The following SDK1 variants were observed in gnomAD, a reference collection of about 807,000 sequenced individuals.
The protein encoded by SDK1 is sidekick cell adhesion molecule 1.
Under a neutral mutation model 245.5 loss-of-function variants are expected in SDK1, and 157 were observed. That is an observed-to-expected ratio of 0.64 (90% CI 0.56 to 0.73). SDK1 has a LOEUF of 0.73. Among genes scored for constraint, SDK1 ranks in the 30% least tolerant of loss-of-function variants. The pLI, the probability that SDK1 is intolerant of heterozygous loss-of-function variation, is 0.00. For missense variants in SDK1, 3,583 were observed against 3,002.3 expected (o/e 1.19, Z -4.52); for synonymous variants, 1,647 against 1,278.5 (o/e 1.29, Z -6.15).
rs1023283635 is a variant in SDK1, at chr7:4,048,272, C to T, written c.2603-1076C>T. 2.6e-5 allele frequency among the ~76,000 whole-genome samples: 4 copies of T among 152,146 alleles called. No individual in the cohort carries two copies. In the East Asian group the frequency reaches 7.7e-4, roughly 29 times the overall value. ...ACCTGAAGAACCAGGACCTTCCTTC[C>T]ACCCAGTGGAAGCCTTGATGGTGCA... On this transcript the variant is annotated intron_variant, in intron 17 of 44. Transcript: ENST00000404826.
intron 1 of SDK1, among the ~76,000 whole-genome samples, chr7:3,517,664 A>G (rs1247036395): frequency 6.6e-5 from 10 of 152,118 alleles, no homozygotes; most frequent in African/African-American, 2.2e-4. Flanking sequence ...CAGGTTGTCC[A>G]TGTTGATGCC....
Position 3,962,441 on chromosome 7 carries a change from G to A in SDK1, c.1235-216G>A, listed in dbSNP as rs980415589. Among the ~76,000 whole-genome samples the A allele has an allele frequency of 1.7e-4, 26 of 152,276 alleles. No individual in the cohort carries two copies. In the South Asian group the frequency reaches 2.7e-3, roughly 16 times the overall value. ...GCCTGGAAGGCACCGCAGCCAGGGC[G>A]GCCACAGTTCATGCCAGCTGTTCCT... On this transcript the variant is annotated intron_variant, in intron 8 of 44. Coordinates refer to ENST00000404826, the MANE Select transcript of SDK1 (RefSeq NM_152744.4).
chr7:4,035,379 G>A (rs1160236590), intron 17 of SDK1, among the ~76,000 whole-genome samples: 1 of 152,170 alleles, frequency 6.6e-6, no homozygotes, highest in Admixed American at 6.5e-5. Flanking sequence ...TGAGTTGGTG[G>A]CATAACAGTA....
chr7:3,527,203 G>C (rs780311753), intron 1 of SDK1, among the ~76,000 whole-genome samples: 5 of 152,078 alleles, frequency 3.3e-5, no homozygotes, highest in African/African-American at 1.2e-4. Flanking sequence ...TGTCCACAAC[G>C]TCTGAGGCAT....
At chr7:3,974,825 A>G (rs1048846679) in intron 13 of SDK1, 1 of 349,650 alleles carries the variant, frequency 2.9e-6, no homozygotes, top group East Asian at 6.0e-5. Context: ...TGGACACCTT[A>G]TCCTGATAGG....
chr7:3,467,920 A>C (rs186727394), intron 1 of SDK1, among the ~76,000 whole-genome samples: 23 of 152,186 alleles, frequency 1.5e-4, no homozygotes, highest in Admixed American at 5.9e-4. Context: ...TTATGTAGTT[A>C]TTAGGTTTTC....
intron 1 of SDK1, among the ~76,000 whole-genome samples, chr7:3,415,963 G>A (rs1367095372): frequency 1.3e-5 from 2 of 152,110 alleles, no homozygotes; most frequent in East Asian, 1.9e-4. Flanking sequence ...TATTCTGTTA[G>A]TGTTGTCATA....
At chr7:3,702,842 A>G (rs991230083) in intron 4 of SDK1, among the ~76,000 whole-genome samples, 46 of 152,348 alleles carry the variant, frequency 3.0e-4, no homozygotes, top group African/African-American at 1.1e-3. Flanking sequence ...TGACAAAAAC[A>G]TGAAAAAGAC....
chr7:3,434,205 A>G (rs978566399), intron 1 of SDK1, among the ~76,000 whole-genome samples: 1 of 152,150 alleles, frequency 6.6e-6, no homozygotes, highest in African/African-American at 2.4e-5. Flanking sequence ...TCACTCTACC[A>G]GGCCAAAGAG....
chr7:3,710,027 A>G (rs1326792732), intron 4 of SDK1, among the ~76,000 whole-genome samples: 1 of 152,234 alleles, frequency 6.6e-6, no homozygotes, highest in Non-Finnish European at 1.5e-5. Flanking sequence ...TTACTTGACT[A>G]TAAAGGAAAA....
At chr7:4,236,102 C>T (rs760652264) in intron 41 of SDK1, among the ~76,000 whole-genome samples, 9 of 152,276 alleles carry the variant, frequency 5.9e-5, no homozygotes, top group Non-Finnish European at 1.2e-4. Context: ...CCCTGTTCTT[C>T]TTCCCGGTGT....
At chr7:3,919,105 C>G (rs1237506266) in intron 5 of SDK1, among the ~76,000 whole-genome samples, 1 of 152,146 alleles carries the variant, frequency 6.6e-6, no homozygotes, top group Non-Finnish European at 1.5e-5. Context: ...TATATTCCAT[C>G]TCACATAATC....
intron 1 of SDK1, among the ~76,000 whole-genome samples, chr7:3,553,684 G>C (rs917078545): frequency 6.6e-6 from 1 of 152,146 alleles, no homozygotes; most frequent in African/African-American, 2.4e-5. Flanking sequence ...CTGGGCTTCT[G>C]TGAAGCAATT....
At chr7:3,583,490 C>G (rs1780582167) in intron 1 of SDK1, among the ~76,000 whole-genome samples, 1 of 152,122 alleles carries the variant, frequency 6.6e-6, no homozygotes, top group South Asian at 2.1e-4. Flanking sequence ...ACATTGGAAT[C>G]CACATCTGTA....
chr7:3,944,959 A>G (rs1033129932), intron 5 of SDK1, among the ~76,000 whole-genome samples: 12 of 152,186 alleles, frequency 7.9e-5, no homozygotes, highest in Admixed American at 5.9e-4. Flanking sequence ...AGGGGGAGCC[A>G]TTGCTAGTTT....
chr7:3,765,046 T>C (rs531722597), intron 4 of SDK1, among the ~76,000 whole-genome samples: 1 of 152,140 alleles, frequency 6.6e-6, no homozygotes, highest in African/African-American at 2.4e-5. Flanking sequence ...TATAACAACA[T>C]AAAACAAAAC....
rs139681201 is a variant in SDK1 at position 3,382,353 on chromosome 7, C to T, written c.298+80469C>T. The stretch of plus-strand genomic sequence containing the variant: ...ATCACGTGGCTAGTAAGTGGTGACA[C>T]CAGAATTTGAACCACGTATCTGACT... On this transcript the variant is annotated intron_variant, in intron 1 of 44. Transcript: ENST00000404826. 1.4e-3 allele frequency among the ~76,000 whole-genome samples: 208 copies of T among 152,208 alleles called. 1 individual carries two copies. Among genetic ancestry groups the T allele is most frequent in the Non-Finnish European group, 2.2e-3 (150 of 68,004 alleles).
chr7:3,324,839 A>G (rs1779901849), intron 1 of SDK1, among the ~76,000 whole-genome samples: 1 of 152,184 alleles, frequency 6.6e-6, no homozygotes, highest in East Asian at 1.9e-4. Flanking sequence ...GTAAACGGCA[A>G]GATTTCAGAA....
chr7:3,408,369 A>C (rs1233966422), intron 1 of SDK1, among the ~76,000 whole-genome samples: 2 of 152,100 alleles, frequency 1.3e-5, no homozygotes, highest in Non-Finnish European at 2.9e-5. Flanking sequence ...TTTTGGCTCT[A>C]ATAAATTCAC....
Sources: gnomAD v4.1 joint callset for allele counts (sites outside exome capture counted in the v4.1 genomes callset) on GRCh38, gnomAD v4.1.1 for gene constraint, MANE v1.5 for transcripts, NCBI Gene and HGNC (gene_info 2026-07-23, HGNC 2026-07-21) for gene names.